The following ABCC4 variants were observed in gnomAD, a reference collection of about 807,000 sequenced individuals.
ABCC4 encodes ATP-binding cassette sub-family C member 4.
In ABCC4, 102 loss-of-function variants were observed where a neutral mutation model predicts 168.5. The observed-to-expected ratio is 0.61, with a 90% CI of 0.52 to 0.71. The LOEUF (loss-of-function observed/expected upper bound fraction) is 0.71, where lower values mean the gene tolerates loss of function less well. ABCC4 is among the 30% of genes least tolerant of loss of function. The pLI is 0.00. For synonymous variants in ABCC4, 617 were observed against 590.7 expected (o/e 1.04, Z -0.65); for missense variants, 1,402 against 1,605.8 (o/e 0.87, Z 2.17).
intron 19 of ABCC4, among the ~76,000 whole-genome samples, chr13:95,137,225 G>C (rs1230606335): frequency 1.3e-5 from 2 of 151,746 alleles, no homozygotes; most frequent in Non-Finnish European, 2.9e-5. Flanking sequence ...CAGATCACTG[G>C]TCTTTAAAAC....
chr13:95,252,821 T>C (rs2040300482), intron 1 of ABCC4, among the ~76,000 whole-genome samples: 1 of 152,234 alleles, frequency 6.6e-6, no homozygotes, highest in Non-Finnish European at 1.5e-5. Flanking sequence ...GGGGGACTAC[T>C]GTACATCTAT....
intron 1 of ABCC4, 56 bp from the exon 2 acceptor site, chr13:95,247,809 G>C (rs1432705360): frequency 6.4e-6 from 9 of 1,406,862 alleles, no homozygotes; most frequent in Non-Finnish European, 8.0e-6. Context: ...TGTTTAAGTA[G>C]ACTCCTACCT....
At chr13:95,276,280 T>C (rs1339919791) in intron 1 of ABCC4, among the ~76,000 whole-genome samples, 3 of 151,650 alleles carry the variant, frequency 2.0e-5, no homozygotes, top group Admixed American at 2.0e-4. Flanking sequence ...CTAGGCATGG[T>C]GGAACACGCC....
chr13:95,240,083 C>T (rs532428828), intron 3 of ABCC4, among the ~76,000 whole-genome samples: 87 of 152,262 alleles, frequency 5.7e-4, no homozygotes, highest in African/African-American at 1.6e-3. Flanking sequence ...TGAATCACAT[C>T]AAGCTTCTAG....
chr13:95,110,586 G>T (rs2035169849), intron 20 of ABCC4, among the ~76,000 whole-genome samples: 1 of 151,980 alleles, frequency 6.6e-6, no homozygotes, highest in Non-Finnish European at 1.5e-5. Context: ...AATATTACAG[G>T]TAGGGTACCT....
At chr13:95,276,171 T>C (rs1429887282) in intron 1 of ABCC4, among the ~76,000 whole-genome samples, 1 of 152,104 alleles carries the variant, frequency 6.6e-6, no homozygotes, top group Non-Finnish European at 1.5e-5. Context: ...CTCACTGCTT[T>C]GAGGGGCCAA....
chr13:95,154,120 C>G (rs2036779760), intron 19 of ABCC4, among the ~76,000 whole-genome samples: 1 of 152,110 alleles, frequency 6.6e-6, no homozygotes, highest in East Asian at 1.9e-4. Flanking sequence ...ATGATTGATG[C>G]AATCTTTTGT....
chr13:95,181,947 T>G (rs1005537661), intron 11 of ABCC4, among the ~76,000 whole-genome samples: 20 of 152,256 alleles, frequency 1.3e-4, no homozygotes, highest in African/African-American at 2.4e-4. Context: ...CCTCATTGTA[T>G]CCCTTTTGTA....
rs2035282047 is a variant in ABCC4 at position 95,113,760 on chromosome 13, G to GAAAGGCTC, written c.2535+2154_2535+2161dup. Among the ~76,000 whole-genome samples, 7 of 152,208 alleles carry GAAAGGCTC rather than the reference G, an allele frequency of 4.6e-5. No homozygotes were observed. In the South Asian group the frequency reaches 1.5e-3, roughly 32 times the overall value. Reference sequence around the variant, plus strand: ...ACTCATCGAATGCAAATCCCCGGGAGAAAGGCTCGGCACACAAAGTAAGAT... The same window carrying GAAAGGCTC: ...ACTCATCGAATGCAAATCCCCGGGAGAAAGGCTCAAAGGCTCGGCACACAAAGTAAGAT... On this transcript the variant is annotated intron_variant, in intron 20 of 30. Coordinates refer to ENST00000645237, the MANE Select transcript of ABCC4 (RefSeq NM_005845.5).
chr13:95,242,156 A>C (rs917886666), intron 3 of ABCC4, among the ~76,000 whole-genome samples: 1 of 152,212 alleles, frequency 6.6e-6, no homozygotes, highest in Non-Finnish European at 1.5e-5. Context: ...ATCCACAAGC[A>C]GCACAGACAC....
Position 95,244,670 on chromosome 13 carries a change from A to AAATCAATCAATC in ABCC4, c.306+2304_306+2305insGATTGATTGATT, listed in dbSNP as rs1555336343. Among the ~76,000 whole-genome samples, 68 of 106,458 alleles carry AAATCAATCAATC rather than the reference A, an allele frequency of 6.4e-4. 7 individuals carry two copies. The highest frequency in any genetic ancestry group is 4.1e-3 in the Middle Eastern group (1 of 246). The allele number at this position is 106,458 out of a possible 152,430, so 69.8% of individuals were successfully genotyped here. Reference sequence around the variant, plus strand: ...GAAAGAAAGAAAGAAAGAAAGAAAGAAATCATAGCAGTTCCTGGTACATAG... The same window carrying AAATCAATCAATC: ...GAAAGAAAGAAAGAAAGAAAGAAAGAAATCAATCAATCAATCATAGCAGTTCCTGGTACATAG... On this transcript the variant is annotated intron_variant, in intron 3 of 30. Transcript: ENST00000645237.
At chr13:95,131,687 C>T (rs1348307092) in intron 19 of ABCC4, among the ~76,000 whole-genome samples, 7 of 152,006 alleles carry the variant, frequency 4.6e-5, no homozygotes, top group Admixed American at 2.0e-4. Context: ...CTGGCACTCC[C>T]CACAATTAAC....
intron 16 of ABCC4, 75 bp downstream of exon 16, chr13:95,164,303 G>C: frequency 6.5e-7 from 1 of 1,532,568 alleles, no homozygotes; most frequent in South Asian, 1.2e-5. Context: ...TGAACTGCAA[G>C]ATGCAGTCAT....
chr13:95,158,195 G>A (rs1391531607), intron 19 of ABCC4, among the ~76,000 whole-genome samples: 1 of 152,140 alleles, frequency 6.6e-6, no homozygotes, highest in Non-Finnish European at 1.5e-5. Flanking sequence ...GGGGCAGTCA[G>A]GGGGACCCTT....
chr13:95,087,929 T>C (rs2034309684), intron 20 of ABCC4, among the ~76,000 whole-genome samples: 1 of 152,238 alleles, frequency 6.6e-6, no homozygotes, highest in Non-Finnish European at 1.5e-5. Context: ...GTATGTCTTC[T>C]GTGTATGACA....
At chr13:95,152,189 G>A (rs1458042491) in intron 19 of ABCC4, among the ~76,000 whole-genome samples, 2 of 152,118 alleles carry the variant, frequency 1.3e-5, no homozygotes, top group African/African-American at 2.4e-5. Flanking sequence ...AGGCCATCAC[G>A]TATCAGAAAC....
At chr13:95,042,836 A>G (rs192650015) in intron 29 of ABCC4, among the ~76,000 whole-genome samples, 1 of 152,316 alleles carries the variant, frequency 6.6e-6, no homozygotes, top group East Asian at 1.9e-4. Context: ...AGCATTAGAT[A>G]ATAAAAGGAG....
At chr13:95,187,214 T>C (rs185702585) in intron 10 of ABCC4, among the ~76,000 whole-genome samples, 184 of 152,304 alleles carry the variant, frequency 1.2e-3, no homozygotes, top group African/African-American at 4.3e-3. Context: ...TAGCCAAGCA[T>C]GACATATATA....
At chr13:95,101,063 T>A (rs1176144531) in intron 20 of ABCC4, among the ~76,000 whole-genome samples, 1 of 152,208 alleles carries the variant, frequency 6.6e-6, no homozygotes, top group African/African-American at 2.4e-5. Flanking sequence ...TAGGATGGCT[T>A]TGTTCTCCAC....
Sources: gnomAD v4.1 joint callset for allele counts (sites outside exome capture counted in the v4.1 genomes callset) on GRCh38, gnomAD v4.1.1 for gene constraint, MANE v1.5 for transcripts, NCBI Gene and HGNC (gene_info 2026-07-23, HGNC 2026-07-21) for gene names.